Variants in PHACTR3 observed in about 807,000 individuals in gnomAD.
The protein encoded by PHACTR3 is phosphatase and actin regulator 3.
A neutral mutation model predicts 66.8 loss-of-function variants in PHACTR3; 16 were observed. That is an observed-to-expected ratio of 0.24 (90% CI 0.16 to 0.36). PHACTR3 has a LOEUF of 0.36. Among genes scored for constraint, PHACTR3 ranks in the 10% least tolerant of loss-of-function variants. PHACTR3 has a pLI of 1.00. For synonymous variants in PHACTR3, 323 were observed against 292.1 expected (o/e 1.11, Z -1.08); for missense variants, 647 against 719.9 (o/e 0.90, Z 1.16).
intron 1 of PHACTR3, among the ~76,000 whole-genome samples, chr20:59,693,335 T>C (rs1291491300): frequency 1.3e-5 from 2 of 152,232 alleles, no homozygotes; most frequent in African/African-American, 4.8e-5. Flanking sequence ...AAACACTTGT[T>C]GAGCTTGGGG....
At chr20:59,625,945 G>C (rs1381877003) in intron 1 of PHACTR3, among the ~76,000 whole-genome samples, 1 of 152,234 alleles carries the variant, frequency 6.6e-6, no homozygotes. Flanking sequence ...GGTGAGGGAC[G>C]TGGAGATTTC....
At chr20:59,671,952 G>A (rs2036208383) in intron 1 of PHACTR3, among the ~76,000 whole-genome samples, 1 of 152,258 alleles carries the variant, frequency 6.6e-6, no homozygotes, top group African/African-American at 2.4e-5. Flanking sequence ...GTAGGCATGA[G>A]GAATGTGCTG....
chr20:59,833,561 A>T (rs2042446511), intron 8 of PHACTR3, among the ~76,000 whole-genome samples: 1 of 152,092 alleles, frequency 6.6e-6, no homozygotes. Flanking sequence ...GGCGGGGGGA[A>T]GCCTTGTTCG....
At chr20:59,615,852 C>G (rs1433043002) in intron 1 of PHACTR3, among the ~76,000 whole-genome samples, 2 of 152,168 alleles carry the variant, frequency 1.3e-5, no homozygotes, top group African/African-American at 4.8e-5. Flanking sequence ...GTTGGGGGAG[C>G]AGGAAAGTCA....
chr20:59,595,602 G>A (rs531581807), intron 1 of PHACTR3, among the ~76,000 whole-genome samples: 2 of 152,298 alleles, frequency 1.3e-5, no homozygotes, highest in African/African-American at 4.8e-5. Flanking sequence ...ACATCCAGTT[G>A]ATTGATGGTG....
intron 8 of PHACTR3, among the ~76,000 whole-genome samples, chr20:59,807,216 A>G (rs1600690859): frequency 1.3e-5 from 2 of 152,348 alleles, no homozygotes; most frequent in East Asian, 3.9e-4. Flanking sequence ...CAAATTATAC[A>G]GCTGTATAAA....
intron 7 of PHACTR3, among the ~76,000 whole-genome samples, chr20:59,775,632 C>T (rs1462300361): frequency 1.1e-4 from 16 of 152,124 alleles, no homozygotes; most frequent in Non-Finnish European, 4.4e-5. Flanking sequence ...TGACTGCCAC[C>T]GCGGAACCAG....
chr20:59,609,603 C>T (rs920269279), intron 1 of PHACTR3, among the ~76,000 whole-genome samples: 4 of 152,026 alleles, frequency 2.6e-5, no homozygotes, highest in Non-Finnish European at 5.9e-5. Context: ...TTCCAAAATG[C>T]AAATGTGGTC....
intron 4 of PHACTR3, among the ~76,000 whole-genome samples, chr20:59,758,303 A>G (rs907257441): frequency 6.3e-4 from 96 of 152,218 alleles, no homozygotes; most frequent in African/African-American, 2.1e-3. Flanking sequence ...TAATGAAAAT[A>G]CTTTTCAGTA....
At chr20:59,581,846 A>C (rs1356856476) in intron 1 of PHACTR3, among the ~76,000 whole-genome samples, 1 of 150,146 alleles carries the variant, frequency 6.7e-6, no homozygotes, top group African/African-American at 2.5e-5. Flanking sequence ...GCTCCACTGC[A>C]CTCCAGCCTG....
At chr20:59,797,369 G>T (rs551670889) in intron 7 of PHACTR3, among the ~76,000 whole-genome samples, 4 of 146,426 alleles carry the variant, frequency 2.7e-5, no homozygotes, top group East Asian at 2.0e-4. Context: ...AATTATTGTG[G>T]TTTTTTTTTT....
intron 1 of PHACTR3, among the ~76,000 whole-genome samples, chr20:59,635,459 C>G (rs2034866530): frequency 6.6e-6 from 1 of 151,732 alleles, no homozygotes; most frequent in Non-Finnish European, 1.5e-5. Context: ...GTCGTGAACT[C>G]CTGACCTCAG....
intron 1 of PHACTR3, among the ~76,000 whole-genome samples, chr20:59,631,264 G>C (rs930989366): frequency 6.6e-6 from 1 of 152,190 alleles, no homozygotes; most frequent in African/African-American, 2.4e-5. Flanking sequence ...GTGCATACAT[G>C]TCACTGGGAG....
intron 1 of PHACTR3, among the ~76,000 whole-genome samples, chr20:59,707,701 A>C (rs2037759789): frequency 6.6e-6 from 1 of 151,644 alleles, no homozygotes; most frequent in Non-Finnish European, 1.5e-5. Context: ...CTGAGCAAAA[A>C]ACGATCCTCC....
At chr20:59,742,281 C>T (rs1236068200) in intron 1 of PHACTR3, among the ~76,000 whole-genome samples, 8 of 150,426 alleles carry the variant, frequency 5.3e-5, no homozygotes, top group Non-Finnish European at 1.0e-4. Flanking sequence ...ACAGGACAGA[C>T]GATGACTTAC....
intron 1 of PHACTR3, among the ~76,000 whole-genome samples, chr20:59,646,832 CTG>C (rs889393613): frequency 2.6e-5 from 4 of 152,194 alleles, no homozygotes; most frequent in African/African-American, 9.7e-5. Flanking sequence ...TGGCAGAAGA[CTG>C]TGTGAGTGTT....
At chr20:59,595,577 T>C (rs1000290375) in intron 1 of PHACTR3, among the ~76,000 whole-genome samples, 1 of 152,236 alleles carries the variant, frequency 6.6e-6, no homozygotes, top group African/African-American at 2.4e-5. Flanking sequence ...AGGAAGTGGT[T>C]TATAGATGTC....
At position 59,692,683 on chromosome 20, in the gene PHACTR3, G is replaced by C. The variant is rs141016711; in HGVS notation, c.119-50424G>C. Among the ~76,000 whole-genome samples, 247 of 152,322 alleles carry C rather than the reference G, an allele frequency of 1.6e-3. 1 individual carries two copies. The highest frequency in any genetic ancestry group is 3.9e-3 in the Admixed American group (59 of 15,304). ...GTGAGCACAAAAGGCCTGGTTCCCT[G>C]CTAGACCGTGCCTCCTCTTGGCTGG... is the stretch of plus-strand genomic sequence containing the variant. On this transcript the variant is annotated intron_variant, in intron 1 of 12. Transcript: ENST00000371015.
intron 8 of PHACTR3, among the ~76,000 whole-genome samples, chr20:59,825,403 G>A (rs1460543113): frequency 6.6e-6 from 1 of 152,194 alleles, no homozygotes; most frequent in Non-Finnish European, 1.5e-5. Flanking sequence ...CATTCATTCA[G>A]TCACTTGTTC....
Sources: allele counts gnomAD v4.1 joint callset (sites outside exome capture counted in the v4.1 genomes callset), GRCh38; gene constraint gnomAD v4.1.1; transcripts MANE v1.5; gene names NCBI Gene and HGNC (gene_info 2026-07-23, HGNC 2026-07-21).